The following DLGAP3 variants were observed in gnomAD, a reference collection of about 807,000 sequenced individuals.
DLGAP3 encodes DLG associated protein 3.
In DLGAP3, 17 loss-of-function variants were observed where a neutral mutation model predicts 81.2. That is an observed-to-expected ratio of 0.21 (90% confidence interval 0.14 to 0.31). The LOEUF is 0.31. Among genes scored for constraint, DLGAP3 ranks in the 10% least tolerant of loss-of-function variants. The pLI is 1.00. For missense variants in DLGAP3, 1,124 were observed against 1,388.0 expected (o/e 0.81, Z 3.02); for synonymous variants, 577 against 587.4 (o/e 0.98, Z 0.26).
chr1:34,894,146 C>A (rs1639351771), intron 5 of DLGAP3, among the ~76,000 whole-genome samples: 1 of 152,164 alleles, frequency 6.6e-6, no homozygotes, highest in South Asian at 2.1e-4. Context: ...CATGTTCACA[C>A]CACTACCTTG....
At chr1:34,912,301 A>C (rs1639651248) in intron 1 of DLGAP3, among the ~76,000 whole-genome samples, 1 of 152,184 alleles carries the variant, frequency 6.6e-6, no homozygotes, top group Non-Finnish European at 1.5e-5. Flanking sequence ...ACCTGGGGAA[A>C]AGATAAGGTG....
intron 5 of DLGAP3, among the ~76,000 whole-genome samples, chr1:34,888,120 T>C (rs1360468620): frequency 6.6e-6 from 1 of 152,210 alleles, no homozygotes; most frequent in African/African-American, 2.4e-5. Context: ...GGCTGCATCT[T>C]GTGACATCTC....
intron 1 of DLGAP3, among the ~76,000 whole-genome samples, chr1:34,927,804 A>G (rs1639898128): frequency 6.6e-6 from 1 of 151,714 alleles, no homozygotes; most frequent in Non-Finnish European, 1.5e-5. Context: ...GGTCAGAGAG[A>G]GCACACCAGG....
chr1:34,919,304 T>C (rs748572417), intron 1 of DLGAP3, among the ~76,000 whole-genome samples: 12 of 152,160 alleles, frequency 7.9e-5, no homozygotes, highest in Non-Finnish European at 1.6e-4. Context: ...TGGAGTGGCA[T>C]GGGGTGGGGC....
At chr1:34,889,126 T>G (rs1168234460) in intron 5 of DLGAP3, among the ~76,000 whole-genome samples, 1 of 152,236 alleles carries the variant, frequency 6.6e-6, no homozygotes, top group African/African-American at 2.4e-5. Flanking sequence ...AAGAGGCTCT[T>G]AAATCGCAGT....
In DLGAP3 at chr1:34,866,036, C is replaced by A; in HGVS notation, c.*47G>T. On this transcript the variant is annotated 3_prime_UTR_variant, in exon 12 of 12. Coordinates refer to ENST00000373347, the MANE Select transcript of DLGAP3 (RefSeq NM_001080418.3). ...TGACCTCGACGCTGGGTGTACAGTA[C>A]GGGTGGAGAACCGCGGGCCCGGGCC... The A allele has an allele frequency of 6.6e-7, 1 of 1,504,146 alleles. No homozygotes were observed. The highest frequency in any genetic ancestry group is 9.0e-7 in the Non-Finnish European group (1 of 1,106,550). The allele number at this position is 1,504,146 out of a possible 1,614,324, so 93.2% of individuals were successfully genotyped here.
chr1:34,899,149 G>T (rs1208129754), intron 5 of DLGAP3, among the ~76,000 whole-genome samples: 6 of 150,370 alleles, frequency 4.0e-5, no homozygotes, highest in Admixed American at 2.0e-4. Context: ...GAATGCAGTG[G>T]CACCATCTCG....
rs756766344 is a variant in DLGAP3, at chr1:34,902,125, C to T, written c.1108-1852G>A. On this transcript the variant is annotated intron_variant, in intron 3 of 11. Transcript: ENST00000373347. This position sits in a 1 kb window ranked among gnomAD's most constrained non-coding sequence, Gnocchi z 4.4. ...GAGTCCGTGATGTCAGCCTACACTT[C>T]GGAAAATGAGGTGTAAGTGAAGACG... Among the ~76,000 whole-genome samples, 11 of 150,676 alleles carry T rather than the reference C, an allele frequency of 7.3e-5. No homozygotes were observed. Among genetic ancestry groups the T allele is most frequent in the East Asian group, 2.0e-4 (1 of 5,082 alleles).
At chr1:34,921,662 T>A (rs1569669329) in intron 1 of DLGAP3, among the ~76,000 whole-genome samples, 1 of 152,226 alleles carries the variant, frequency 6.6e-6, no homozygotes, top group Non-Finnish European at 1.5e-5. Context: ...GTTGAATGAA[T>A]GGATGCATTG....
Position 34,900,283 on chromosome 1 carries a change from C to T in DLGAP3, c.1108-10G>A. Reference sequence around the variant, plus strand: ...AGTCATCTTGCGGCACCTGCAGGAACAGGGGTCTCTGTCTCTCAGACATGA... The same window carrying T: ...AGTCATCTTGCGGCACCTGCAGGAATAGGGGTCTCTGTCTCTCAGACATGA... On this transcript the variant is annotated splice_polypyrimidine_tract_variant and intron_variant, in intron 3 of 11. Coordinates refer to ENST00000373347, the MANE Select transcript of DLGAP3 (RefSeq NM_001080418.3). The surrounding 1 kb of genome is among the most constrained non-coding windows in gnomAD (Gnocchi z 5.6). The T allele has an allele frequency of 6.2e-7, 1 of 1,612,996 alleles. No homozygotes were observed. Among genetic ancestry groups the T allele is most frequent in the Middle Eastern group, 1.7e-4 (1 of 6,058 alleles).
intron 5 of DLGAP3, among the ~76,000 whole-genome samples, chr1:34,892,893 C>A (rs889486748): frequency 5.3e-5 from 8 of 152,170 alleles, no homozygotes; most frequent in African/African-American, 1.4e-4. Context: ...GAACACACGG[C>A]CGGGCGCGGT....
intron 2 of DLGAP3, among the ~76,000 whole-genome samples, chr1:34,906,974 G>T (rs1300632169): frequency 6.6e-6 from 1 of 152,118 alleles, no homozygotes; most frequent in African/African-American, 2.4e-5. Flanking sequence ...CCTCGACCAG[G>T]CTCCTGGGCC....
intron 5 of DLGAP3, among the ~76,000 whole-genome samples, chr1:34,893,129 G>A (rs1233635650): frequency 2.8e-5 from 4 of 144,606 alleles, no homozygotes; most frequent in African/African-American, 5.2e-5. Flanking sequence ...CCGAGATTGC[G>A]CCACTGCAGT....
chr1:34,877,519 A>G lies in DLGAP3; in HGVS notation c.2000+7459T>C, dbSNP rs566823497. ...AGGGCAGTAAAAAACAATAGTGAAC[A>G]CACAAATTACGGAAACACGTATGTA... is the stretch of plus-strand genomic sequence containing the variant. On this transcript the variant is annotated intron_variant, in intron 8 of 11. Coordinates refer to ENST00000373347, the MANE Select transcript of DLGAP3 (RefSeq NM_001080418.3). Among the ~76,000 whole-genome samples, 19 of 152,360 alleles carry G rather than the reference A, an allele frequency of 1.2e-4. No individual in the cohort carries two copies. The South Asian group carries it at 3.9e-3, about 32-fold the overall frequency.
chr1:34,885,588 G>A lies in DLGAP3; in HGVS notation c.1804C>T (p.Pro602Ser). 4 of 1,594,058 alleles carry A rather than the reference G, an allele frequency of 2.5e-6. No homozygotes were observed. In the South Asian group the frequency reaches 4.5e-5, roughly 18 times the overall value. The change falls in exon 7 of 12, where the codon CCC becomes TCC. Residue 602 changes from proline to serine, a missense_variant. Physicochemically the swap from Pro to Ser is moderately conservative, Grantham distance 74. Coordinates refer to ENST00000373347, the MANE Select transcript of DLGAP3 (RefSeq NM_001080418.3). ...GTGGGGGGCTTGGGGCTGGCCCGGG[G>A]CGGCACCGGCGCCAACTCCAGTGTG... is the stretch of plus-strand genomic sequence containing the variant. ...ARTLELAPVP[P>S]RASPKPPTLI... is the part of the protein sequence containing the mutation.
intron 8 of DLGAP3, among the ~76,000 whole-genome samples, chr1:34,879,753 A>T (rs752179525): frequency 1.3e-5 from 2 of 152,230 alleles, no homozygotes; most frequent in Admixed American, 6.5e-5. Context: ...ATGAAAGATG[A>T]AAGTTACATA....
chr1:34,890,780 C>T (rs932858201), intron 5 of DLGAP3, among the ~76,000 whole-genome samples: 4 of 152,216 alleles, frequency 2.6e-5, no homozygotes, highest in African/African-American at 9.6e-5. Flanking sequence ...CTTTGTGAGA[C>T]ACTTGACCCA....
intron 1 of DLGAP3, among the ~76,000 whole-genome samples, chr1:34,915,753 A>C (rs1639708169): frequency 6.6e-6 from 1 of 152,094 alleles, no homozygotes. Flanking sequence ...AAGGATATCT[A>C]TACCTCTGCT....
intron 1 of DLGAP3, among the ~76,000 whole-genome samples, chr1:34,922,300 C>A (rs1435892909): frequency 6.6e-6 from 1 of 152,234 alleles, no homozygotes; most frequent in African/African-American, 2.4e-5. Context: ...TGGAGAAGAG[C>A]TACAAGTAGC....
Sources: gnomAD v4.1 joint callset for allele counts (sites outside exome capture counted in the v4.1 genomes callset) on GRCh38, gnomAD v4.1.1 for gene constraint, Gnocchi (gnomAD v3.1) non-coding constraint, MANE v1.5 for transcripts, NCBI Gene and HGNC (gene_info 2026-07-23, HGNC 2026-07-21) for gene names.